The following GAK variants were observed in gnomAD, a reference collection of about 807,000 sequenced individuals.
GAK encodes cyclin G associated kinase.
Under a neutral mutation model 143.9 loss-of-function variants are expected in GAK, and 79 were observed. The observed-to-expected ratio is 0.55, with a 90% confidence interval of 0.46 to 0.66. The LOEUF (loss-of-function observed/expected upper bound fraction) is 0.66. GAK is among the 30% of genes least tolerant of loss of function. The probability of loss-of-function intolerance (pLI) is 0.00; values close to 1 mark genes in which losing one functional copy is unlikely to be tolerated. For missense variants in GAK, 1,693 were observed against 1,779.7 expected (o/e 0.95, Z 0.88); for synonymous variants, 881 against 765.5 (o/e 1.15, Z -2.49).
chr4:870,159 C>G (rs1388765441), intron 19 of GAK, among the ~76,000 whole-genome samples: 1 of 152,182 alleles, frequency 6.6e-6, no homozygotes, highest in Non-Finnish European at 1.5e-5. Flanking sequence ...ACACATACAG[C>G]CTCTTTCAGG....
chr4:932,274 G>A lies in GAK; in HGVS notation c.-87C>T, dbSNP rs949746467. 5.6e-6 allele frequency: 8 copies of A among 1,418,196 alleles called. No homozygotes were observed. Among genetic ancestry groups the A allele is most frequent in the African/African-American group, 1.5e-5 (1 of 66,408 alleles). 87.9% of individuals were successfully genotyped at this position (1,418,196 alleles called of 1,614,324 possible). A position where few individuals can be genotyped will look rare whatever the true frequency, so the allele number is the denominator to read the frequency against. On this transcript the variant is annotated 5_prime_UTR_variant, in exon 1 of 28. Transcript: ENST00000314167. The surrounding 1 kb of genome is among the most constrained non-coding windows in gnomAD (Gnocchi z 4.0). ...CGCCGTCCGGGTCAGCTCAGCAACC[G>A]CCGGCCCGGAGGTGCACCATCTTCC...
intron 4 of GAK, among the ~76,000 whole-genome samples, chr4:911,009 G>A (rs1577279201): frequency 1.3e-5 from 2 of 151,598 alleles, no homozygotes; most frequent in South Asian, 2.1e-4. Context: ...ACACCAACAC[G>A]ACATCCCCCG....
intron 4 of GAK, among the ~76,000 whole-genome samples, chr4:909,027 A>G (rs1014439994): frequency 2.0e-5 from 3 of 152,146 alleles, no homozygotes; most frequent in Admixed American, 1.3e-4. Flanking sequence ...TTTACAATAC[A>G]AAAGAGACGG....
chr4:879,414 T>C (rs1214852142), intron 15 of GAK, among the ~76,000 whole-genome samples: 1 of 152,244 alleles, frequency 6.6e-6, no homozygotes, highest in Non-Finnish European at 1.5e-5. Flanking sequence ...GGTTTCTTTT[T>C]TCTTCTTTTC....
chr4:914,000 C>T (rs1412408984), intron 1 of GAK: 1 of 148,328 alleles, frequency 6.7e-6, no homozygotes, highest in East Asian at 2.2e-4. Context: ...CCAGCGTGCA[C>T]GGCCCCACAC....
chr4:904,627 G>C lies in GAK; in HGVS notation c.525+10C>G, dbSNP rs746811896. 2.5e-5 allele frequency: 39 copies of C among 1,566,746 alleles called. No individual in the cohort carries two copies. Among genetic ancestry groups the C allele is most frequent in the African/African-American group, 4.1e-5 (3 of 73,008 alleles). On this transcript the variant is annotated intron_variant, in intron 5 of 27. Coordinates refer to ENST00000314167, the MANE Select transcript of GAK (RefSeq NM_005255.4). Reference sequence around the variant, plus strand: ...AGGCCTTGGCAGCCGCGTGTGGAGGGAGCCACTACCTTGAGGTCCCTGTGG... The same window carrying C: ...AGGCCTTGGCAGCCGCGTGTGGAGGCAGCCACTACCTTGAGGTCCCTGTGG...
intron 23 of GAK, among the ~76,000 whole-genome samples, chr4:862,527 A>G (rs1170965155): frequency 1.2e-4 from 18 of 151,932 alleles, no homozygotes; most frequent in Non-Finnish European, 1.9e-4. Flanking sequence ...GCGTGGTGGC[A>G]GGCGCCTGTA....
intron 1 of GAK, among the ~76,000 whole-genome samples, chr4:920,231 C>G (rs535195031): frequency 4.4e-4 from 67 of 151,750 alleles, no homozygotes; most frequent in African/African-American, 1.6e-3. Context: ...TGGCATGAAC[C>G]CGGGAGGCGG....
intron 1 of GAK, among the ~76,000 whole-genome samples, chr4:929,333 C>T (rs890520925): frequency 2.6e-5 from 4 of 152,226 alleles, no homozygotes; most frequent in African/African-American, 7.2e-5. Context: ...TTAAACCATA[C>T]GACGGCTGTG....
chr4:877,892 T>C (rs1038247558), intron 15 of GAK, 83 bp from the exon 16 acceptor site: 11 of 1,235,494 alleles, frequency 8.9e-6, no homozygotes, highest in Middle Eastern at 4.1e-4. Flanking sequence ...AATAGAAGTT[T>C]TTCATGCTAG....
At position 850,098 on chromosome 4, in the gene GAK, T is replaced by C. The variant is rs1577016851; in HGVS notation, c.3658-30A>G. 2.6e-6 allele frequency: 4 copies of C among 1,535,426 alleles called. No homozygotes were observed. In the East Asian group the frequency reaches 7.3e-5, roughly 28 times the overall value. ...GGGAGACACGGAGCTTGCCGAGCCC[T>C]GGGCACCTGCCTGCCCTCCTCCTCT... On this transcript the variant is annotated intron_variant, in intron 26 of 27. Transcript: ENST00000314167.
rs192617931 is a variant in GAK at position 928,944 on chromosome 4, G to C, written c.145+3099C>G. Among the ~76,000 whole-genome samples, 232 of 152,200 alleles carry C rather than the reference G, an allele frequency of 1.5e-3. 1 individual carries two copies. The highest frequency in any genetic ancestry group is 1.4e-3 in the Admixed American group (22 of 15,298). On this transcript the variant is annotated intron_variant, in intron 1 of 27. Transcript: ENST00000314167. ...ACACCCGGCTAATTTTGTATTTTTA[G>C]TAGAGACGGGTTTCCCCGTGTTGCC... is the stretch of plus-strand genomic sequence containing the variant.
chr4:925,795 C>CAA (rs1724619393), intron 1 of GAK, among the ~76,000 whole-genome samples: 1 of 152,226 alleles, frequency 6.6e-6, no homozygotes, highest in South Asian at 2.1e-4. Context: ...CCTGGACTTC[C>CAA]AGCCTGCAGA....
chr4:903,530 A>ACTG (rs1720372066), intron 5 of GAK, among the ~76,000 whole-genome samples: 1 of 149,740 alleles, frequency 6.7e-6, no homozygotes, highest in Non-Finnish European at 1.5e-5. Flanking sequence ...CCCAGGGGCC[A>ACTG]AGGAAGGGGC....
rs200582369 is a variant in GAK at position 849,850 on chromosome 4, G to A, written c.3834+42C>T. On this transcript the variant is annotated intron_variant, in intron 27 of 27. Transcript: ENST00000314167. The stretch of plus-strand genomic sequence containing the variant: ...CGGGGCAGGACCCCCCCCCCGCCCC[G>A]CCCCTGAAGGCCTCAAGCGGCCGCC... The A allele has an allele frequency of 0.057, 67,291 of 1,178,954 alleles. 1,636 individuals are homozygous for A. The highest frequency in any genetic ancestry group is 0.071 in the South Asian group (5,201 of 73,528). 73.0% of individuals were successfully genotyped at this position (1,178,954 alleles called of 1,614,324 possible).
chr4:863,948 A>G (rs549895598), intron 23 of GAK, among the ~76,000 whole-genome samples: 2 of 152,304 alleles, frequency 1.3e-5, no homozygotes, highest in African/African-American at 4.8e-5. Context: ...ACTTGAACCC[A>G]GGACGTGGAG....
intron 24 of GAK, among the ~76,000 whole-genome samples, chr4:854,601 G>A (rs1748797987): frequency 6.6e-6 from 1 of 152,188 alleles, no homozygotes; most frequent in Non-Finnish European, 1.5e-5. Context: ...CTCTGTCAAA[G>A]CTCCGCTGGT....
In GAK at chr4:882,836, C is replaced by G; in HGVS notation, c.1405-17G>C. 1 of 1,604,958 alleles carries G rather than the reference C, an allele frequency of 6.2e-7. No homozygotes were observed. Among genetic ancestry groups the G allele is most frequent in the Non-Finnish European group, 8.5e-7 (1 of 1,178,456 alleles). On this transcript the variant is annotated splice_polypyrimidine_tract_variant and intron_variant, in intron 13 of 27. Coordinates refer to ENST00000314167, the MANE Select transcript of GAK (RefSeq NM_005255.4). ...CTCGGAGACCTGTGGGGACAGGGCA[C>G]GGTGGCACGGACGGCAGAGGAGCCC...
In GAK at chr4:867,027, G is replaced by T. The variant is rs756368611; in HGVS notation, c.2801C>A (p.Pro934Gln). Residue 934 changes from proline to glutamine, a missense_variant, in exon 21 of 28, where the codon CCG (proline) becomes CAG (glutamine). Physicochemically the swap from Pro to Gln is moderately conservative, Grantham distance 76 (BLOSUM62 -1). Coordinates refer to ENST00000314167, the MANE Select transcript of GAK (RefSeq NM_005255.4). ...GPPEDLLSED[P>Q]LLLASPAPPL... ...AGGGGCCGGGCTTGCCAGGAGCAGCGGGTCCTCGCTGAGCAGATCCTCCGG... is the reference window on the plus strand; with the variant it reads ...AGGGGCCGGGCTTGCCAGGAGCAGCTGGTCCTCGCTGAGCAGATCCTCCGG... 46 of 1,501,964 alleles carry T rather than the reference G, an allele frequency of 3.1e-5. No individual in the cohort carries two copies. The highest frequency in any genetic ancestry group is 3.8e-5 in the Non-Finnish European group (43 of 1,126,264). The allele number at this position is 1,501,964 out of a possible 1,614,324, so 93.0% of individuals were successfully genotyped here. A position where few individuals can be genotyped will look rare whatever the true frequency, so the allele number is the denominator to read the frequency against.
Sources: gnomAD v4.1 joint callset for allele counts (sites outside exome capture counted in the v4.1 genomes callset) on GRCh38, gnomAD v4.1.1 for gene constraint, Gnocchi (gnomAD v3.1) non-coding constraint, MANE v1.5 for transcripts, NCBI Gene and HGNC (gene_info 2026-07-23, HGNC 2026-07-21) for gene names.